Variants in ALG14 observed in about 807,000 individuals in gnomAD.
ALG14 encodes the protein ALG14 UDP-N-acetylglucosaminyltransferase subunit, also known as UDP-N-acetylglucosamine transferase subunit ALG14.
A neutral mutation model predicts 22.8 loss-of-function variants in ALG14; 17 were observed. The ratio of observed to expected loss-of-function variants is 0.75; its 90% confidence interval spans 0.51 to 1.12. The LOEUF is 1.12. Among genes scored for constraint, ALG14 ranks in the 50% most tolerant of loss-of-function variants. The probability of loss-of-function intolerance (pLI) is 0.00; values close to 1 mark genes in which losing one functional copy is unlikely to be tolerated. For missense variants in ALG14, 288 were observed against 271.8 expected, an observed-to-expected ratio of 1.06 and a Z score of -0.42; for synonymous variants, 89 against 103.7, an observed-to-expected ratio of 0.86 and a Z score of 0.86.
intron 3 of ALG14, among the ~76,000 whole-genome samples, chr1:95,001,056 AC>A (rs1673052169): frequency 6.6e-6 from 1 of 152,254 alleles, no homozygotes; most frequent in Non-Finnish European, 1.5e-5. Flanking sequence ...TATTTTGCTT[AC>A]CATGGTAATC....
chr1:94,990,928 T>A (rs1172237122), intron 3 of ALG14, among the ~76,000 whole-genome samples: 3 of 152,248 alleles, frequency 2.0e-5, no homozygotes, highest in Admixed American at 2.0e-4. Context: ...GCTCTATCGA[T>A]TATTCTGGTC....
chr1:95,024,404 A>G (rs572578411), intron 3 of ALG14, among the ~76,000 whole-genome samples: 16 of 152,318 alleles, frequency 1.1e-4, no homozygotes, highest in African/African-American at 3.6e-4. Flanking sequence ...CATCCCTTTT[A>G]GTACCTGCTG....
chr1:95,044,213 A>T (rs1030757069), intron 2 of ALG14, among the ~76,000 whole-genome samples: 1 of 152,070 alleles, frequency 6.6e-6, no homozygotes, highest in African/African-American at 2.4e-5. Context: ...AAGCCACATT[A>T]TCTCTTGCTG....
At position 94,980,444 on chromosome 1, in the gene ALG14, T is replaced by C. The variant is rs1672474728; in HGVS notation, c.*2632A>G. On this transcript the variant is annotated 3_prime_UTR_variant, in exon 4 of 4. Transcript: ENST00000370205. ...GATGTGTGGTTTCCCTGCCTCTCAT[T>C]TGAAGACTGATTCAATTAATTTTTT... The C allele has an allele frequency of 6.6e-6, 1 of 152,216 alleles. No homozygotes were observed. The highest frequency in any genetic ancestry group is 1.5e-5 in the Non-Finnish European group (1 of 68,034). 9.4% of individuals were successfully genotyped at this position (152,216 alleles called of 1,614,324 possible). A position where few individuals can be genotyped will look rare whatever the true frequency, so the allele number is the denominator to read the frequency against.
rs368626631 is a variant in ALG14, at chr1:95,064,951, T to C, written c.203A>G (p.Tyr68Cys). 3.7e-6 allele frequency: 6 copies of C among 1,613,844 alleles called. No homozygotes were observed. In the South Asian group the frequency reaches 4.4e-5, roughly 12 times the overall value. Reference protein sequence around the residue: ...SLSNAYSPRHYVIADTDEMSA... With the variant: ...SLSNAYSPRHCVIADTDEMSA... ...CATTTCATCAGTGTCAGCAATGACATAATGTCTAGGTGAGTAGGCATTGGA... is the reference window on the plus strand; with the variant it reads ...CATTTCATCAGTGTCAGCAATGACACAATGTCTAGGTGAGTAGGCATTGGA... Residue 68 changes from tyrosine (Y) to cysteine (C), a missense_variant, in exon 2 of 4, where the codon TAT becomes TGT. Tyr to Cys is a radical substitution (Grantham distance 194, BLOSUM62 -2). Transcript: ENST00000370205.
At chr1:95,027,059 G>A in intron 3 of ALG14, 70 bp downstream of exon 3, 1 of 1,559,726 alleles carries the variant, frequency 6.4e-7, no homozygotes, top group East Asian at 2.3e-5. Flanking sequence ...TAAGAAAACA[G>A]TATGTCCTGT....
At chr1:95,060,029 AG>A (rs1275824510) in intron 2 of ALG14, among the ~76,000 whole-genome samples, 2 of 67,954 alleles carry the variant, frequency 2.9e-5, no homozygotes. Flanking sequence ...AAAGATCAGT[AG>A]GGAAACCCCC....
chr1:94,983,361 G>T, intron 3 of ALG14, 55 bp from the exon 4 acceptor site: 1 of 1,440,770 alleles, frequency 6.9e-7, no homozygotes, highest in Non-Finnish European at 9.6e-7. Context: ...TCTAAGGGAG[G>T]CATTTTGCAT....
At chr1:95,005,165 G>A (rs945843184) in intron 3 of ALG14, among the ~76,000 whole-genome samples, 1 of 152,214 alleles carries the variant, frequency 6.6e-6, no homozygotes, top group South Asian at 2.1e-4. Flanking sequence ...GCCAGGTCTT[G>A]ATGCATGAGG....
chr1:95,044,359 AT>A (rs1260758343), intron 2 of ALG14, among the ~76,000 whole-genome samples: 1 of 152,014 alleles, frequency 6.6e-6, no homozygotes, highest in African/African-American at 2.4e-5. Flanking sequence ...ACAGGTCTCT[AT>A]TTTCCTCAGA....
chr1:94,988,838 G>A (rs899634407), intron 3 of ALG14, among the ~76,000 whole-genome samples: 1 of 151,992 alleles, frequency 6.6e-6, no homozygotes, highest in African/African-American at 2.4e-5. Flanking sequence ...ATCTCAGTGT[G>A]AAAAATACAG....
At position 94,981,673 on chromosome 1, in the gene ALG14, ATTTTG is replaced by A. The variant is rs1672495656; in HGVS notation, c.*1398_*1402del. ...GAGAATCTTCTCTTTTCTGTTTTTT[ATTTTG>A]TTTTGTTTTTTTTTTTTTTGGCTGC... On this transcript the variant is annotated 3_prime_UTR_variant, in exon 4 of 4. Transcript: ENST00000370205. 7.1e-6 allele frequency: 1 copy of A among 140,582 alleles called. No individual in the cohort carries two copies. The highest frequency in any genetic ancestry group is 2.3e-4 in the South Asian group (1 of 4,314). The allele number at this position is 140,582 out of a possible 1,614,324, so 8.7% of individuals were successfully genotyped here. A position where few individuals can be genotyped will look rare whatever the true frequency, so the allele number is the denominator to read the frequency against.
intron 3 of ALG14, among the ~76,000 whole-genome samples, chr1:94,984,883 G>A (rs796296180): frequency 2.5e-4 from 38 of 152,266 alleles, no homozygotes; most frequent in African/African-American, 8.4e-4. Context: ...AACATTTTAC[G>A]TGTATTACAT....
chr1:95,004,673 C>A (rs1310042160), intron 3 of ALG14, among the ~76,000 whole-genome samples: 2 of 142,582 alleles, frequency 1.4e-5, no homozygotes, highest in African/African-American at 5.7e-5. Flanking sequence ...CTAATTTTTT[C>A]TGTATTTTTA....
At chr1:95,061,700 C>T (rs962481361) in intron 2 of ALG14, 2 of 152,222 alleles carry the variant, frequency 1.3e-5, no homozygotes, top group African/African-American at 4.8e-5. Flanking sequence ...TATAGACTAC[C>T]TTTATCTTCT....
intron 2 of ALG14, among the ~76,000 whole-genome samples, chr1:95,044,533 C>T (rs1184843897): frequency 2.0e-5 from 3 of 152,150 alleles, no homozygotes; most frequent in Non-Finnish European, 4.4e-5. Flanking sequence ...CTCTCTATGG[C>T]TTTTCCAGAG....
intron 2 of ALG14, among the ~76,000 whole-genome samples, chr1:95,051,783 A>G (rs1674761139): frequency 6.6e-6 from 1 of 152,108 alleles, no homozygotes; most frequent in African/African-American, 2.4e-5. Context: ...CTTTCCCCAG[A>G]TGGCTTAACA....
At chr1:95,034,918 T>G (rs754665152) in intron 2 of ALG14, among the ~76,000 whole-genome samples, 1 of 152,172 alleles carries the variant, frequency 6.6e-6, no homozygotes, top group Admixed American at 6.5e-5. Flanking sequence ...CTCTTTGCCC[T>G]CTGTGCCCTG....
chr1:94,986,456 T>G (rs1672644028), intron 3 of ALG14, among the ~76,000 whole-genome samples: 1 of 152,180 alleles, frequency 6.6e-6, no homozygotes, highest in Non-Finnish European at 1.5e-5. Flanking sequence ...CTTATGTGGT[T>G]GACTGACAGC....
Sources: allele counts gnomAD v4.1 joint callset (sites outside exome capture counted in the v4.1 genomes callset), GRCh38; gene constraint gnomAD v4.1.1; transcripts MANE v1.5; gene names NCBI Gene and HGNC (gene_info 2026-07-23, HGNC 2026-07-21).